The following ROBO2 variants were observed in gnomAD, a reference collection of about 807,000 sequenced individuals.
ROBO2 encodes roundabout homolog 2.
Under a neutral mutation model 160.8 loss-of-function variants are expected in ROBO2, and 53 were observed. The ratio of observed to expected loss-of-function variants is 0.33; its 90% CI spans 0.26 to 0.41. ROBO2 has a LOEUF of 0.41. Ranked by LOEUF, ROBO2 falls within the 10% of genes least tolerant of loss-of-function variation. The probability of loss-of-function intolerance (pLI) is 1.00; values close to 1 mark genes in which losing one functional copy is unlikely to be tolerated. For synonymous variants in ROBO2, 664 were observed against 611.7 expected (o/e 1.09, Z -1.26); for missense variants, 1,577 against 1,722.4 (o/e 0.92, Z 1.49).
At chr3:77,201,399 A>G (rs2082898730) in intron 2 of ROBO2, among the ~76,000 whole-genome samples, 1 of 152,220 alleles carries the variant, frequency 6.6e-6, no homozygotes, top group Non-Finnish European at 1.5e-5. Flanking sequence ...ATTTGTGCTT[A>G]ACTGGGAACT....
At chr3:77,033,874 A>T (rs2063470129) in intron 2 of ROBO2, among the ~76,000 whole-genome samples, 1 of 152,062 alleles carries the variant, frequency 6.6e-6, no homozygotes, top group African/African-American at 2.4e-5. Context: ...ATTTCTGATA[A>T]ATATAAGAAA....
At chr3:76,399,755 A>G (rs1177073717) in intron 2 of ROBO2, among the ~76,000 whole-genome samples, 1 of 151,740 alleles carries the variant, frequency 6.6e-6, no homozygotes, top group African/African-American at 2.4e-5. Flanking sequence ...CATAACTCCT[A>G]ACTCTGTAAA....
chr3:77,278,587 A>G (rs990433735), intron 2 of ROBO2, among the ~76,000 whole-genome samples: 1 of 152,164 alleles, frequency 6.6e-6, no homozygotes, highest in African/African-American at 2.4e-5. Context: ...TAGATTTTCT[A>G]ATTTTTATCC....
At chr3:76,257,858 G>A (rs1706501364) in intron 2 of ROBO2, among the ~76,000 whole-genome samples, 1 of 152,008 alleles carries the variant, frequency 6.6e-6, no homozygotes, top group Admixed American at 6.6e-5. Context: ...AAGGGTTATG[G>A]GGTGGGGGAA....
chr3:77,582,734 C>T (rs1458562699), intron 16 of ROBO2, among the ~76,000 whole-genome samples: 3 of 152,042 alleles, frequency 2.0e-5, no homozygotes, highest in East Asian at 3.9e-4. Context: ...TAATAAACAG[C>T]AATATACAAA....
chr3:77,237,760 G>A (rs1317592409), intron 2 of ROBO2, among the ~76,000 whole-genome samples: 2 of 152,142 alleles, frequency 1.3e-5, no homozygotes, highest in Non-Finnish European at 2.9e-5. Flanking sequence ...ATGCCAAACA[G>A]TGGAATTTCT....
At chr3:77,157,096 A>C (rs1289474298) in intron 2 of ROBO2, among the ~76,000 whole-genome samples, 1 of 152,048 alleles carries the variant, frequency 6.6e-6, no homozygotes, top group African/African-American at 2.4e-5. Flanking sequence ...CCTACAGATG[A>C]GTTTGATACA....
chr3:76,052,088 G>C (rs1009718794), intron 2 of ROBO2, among the ~76,000 whole-genome samples: 1 of 152,002 alleles, frequency 6.6e-6, no homozygotes, highest in African/African-American at 2.4e-5. Flanking sequence ...AAATTTAAAA[G>C]TTCTCAATCT....
chr3:75,922,874 G>C (rs939747850), intron 1 of ROBO2, among the ~76,000 whole-genome samples: 1 of 152,110 alleles, frequency 6.6e-6, no homozygotes, highest in African/African-American at 2.4e-5. Flanking sequence ...TTCTAATATA[G>C]TAGATGGTAG....
At chr3:77,516,799 C>T (rs1303311041) in intron 5 of ROBO2, among the ~76,000 whole-genome samples, 1 of 151,614 alleles carries the variant, frequency 6.6e-6, no homozygotes, top group Non-Finnish European at 1.5e-5. Context: ...TACTATGCTT[C>T]TTGATACAAT....
chr3:76,170,244 C>T (rs922946324), intron 2 of ROBO2, among the ~76,000 whole-genome samples: 12 of 152,320 alleles, frequency 7.9e-5, no homozygotes, highest in Admixed American at 7.2e-4. Context: ...ACAACCCAAA[C>T]TGGCATTTTT....
At chr3:76,951,577 C>T (rs1304493691) in intron 2 of ROBO2, among the ~76,000 whole-genome samples, 1 of 152,068 alleles carries the variant, frequency 6.6e-6, no homozygotes, top group Non-Finnish European at 1.5e-5. Context: ...ATATTTTTAA[C>T]TTCTTTCTGA....
chr3:76,191,996 T>C (rs1180618980), intron 2 of ROBO2, among the ~76,000 whole-genome samples: 1 of 152,058 alleles, frequency 6.6e-6, no homozygotes, highest in Non-Finnish European at 1.5e-5. Context: ...AGGCCTATTA[T>C]TGGACTATAG....
chr3:76,280,263 C>T (rs972894030), intron 2 of ROBO2, among the ~76,000 whole-genome samples: 10 of 151,948 alleles, frequency 6.6e-5, no homozygotes, highest in Non-Finnish European at 1.5e-4. Flanking sequence ...ATTGTGCCCC[C>T]TGCCATTCAT....
chr3:76,687,135 C>T (rs1480164845), intron 2 of ROBO2, among the ~76,000 whole-genome samples: 1 of 151,982 alleles, frequency 6.6e-6, no homozygotes, highest in African/African-American at 2.4e-5. Flanking sequence ...ATACGTATTG[C>T]AGCATTTAAA....
chr3:77,178,522 A>G (rs1481987921), intron 2 of ROBO2, among the ~76,000 whole-genome samples: 1 of 152,072 alleles, frequency 6.6e-6, no homozygotes, highest in Non-Finnish European at 1.5e-5. Flanking sequence ...CTTCAGATTA[A>G]TGAAAAAATA....
intron 2 of ROBO2, among the ~76,000 whole-genome samples, chr3:76,260,549 AT>A (rs1204708165): frequency 6.6e-6 from 1 of 152,142 alleles, no homozygotes; most frequent in East Asian, 1.9e-4. Flanking sequence ...TTTCAAGATC[AT>A]TCATACCCTC....
intron 2 of ROBO2, among the ~76,000 whole-genome samples, chr3:77,361,439 T>TGGTTAAAAA (rs1486068663): frequency 1.3e-5 from 2 of 152,192 alleles, no homozygotes; most frequent in African/African-American, 4.8e-5. Flanking sequence ...AAAAACATGT[T>TGGTTAAAAA]ATATATCAAG....
At chr3:75,981,721 G>A (rs1230054220) in intron 2 of ROBO2, among the ~76,000 whole-genome samples, 2 of 151,240 alleles carry the variant, frequency 1.3e-5, no homozygotes, top group Non-Finnish European at 3.0e-5. Flanking sequence ...AGTACATCAT[G>A]GAGAATGGGG....
Sources: gnomAD v4.1 joint callset for allele counts (sites outside exome capture counted in the v4.1 genomes callset) on GRCh38, gnomAD v4.1.1 for gene constraint, MANE v1.5 for transcripts, NCBI Gene and HGNC (gene_info 2026-07-23, HGNC 2026-07-21) for gene names.